The following CHD8 variants were observed in gnomAD, a reference collection of about 807,000 sequenced individuals.
CHD8 encodes the protein ATP-dependent chromatin remodeler CHD8.
A neutral mutation model predicts 279.2 loss-of-function variants in CHD8; 31 were observed. The observed-to-expected ratio is 0.11, with a 90% CI of 0.08 to 0.15. The LOEUF (loss-of-function observed/expected upper bound fraction) is 0.15. CHD8 is among the 10% of genes least tolerant of loss of function. CHD8 has a pLI of 1.00. For synonymous variants in CHD8, 1,081 were observed against 1,139.6 expected, an observed-to-expected ratio of 0.95 and a Z score of 1.04; for missense variants, 2,146 against 3,230.5, an observed-to-expected ratio of 0.66 and a Z score of 8.14.
intron 37 of CHD8, among the ~76,000 whole-genome samples, chr14:21,388,079 G>A (rs1474894758): frequency 6.6e-6 from 1 of 151,982 alleles, no homozygotes; most frequent in Non-Finnish European, 1.5e-5. Flanking sequence ...AGGCTAACAG[G>A]GAAAACTGAA....
intron 5 of CHD8, 110 bp downstream of exon 5, chr14:21,426,007 CGCCCAGTTTAG>C: frequency 1.6e-6 from 1 of 639,370 alleles, no homozygotes; most frequent in Non-Finnish European, 2.8e-6. Context: ...TTTAGGCCTA[CGCCCAGTTTAG>C]AAAAGCCAAA....
chr14:21,452,117 T>C (rs1030576398), intron 1 of CHD8, among the ~76,000 whole-genome samples: 1 of 152,126 alleles, frequency 6.6e-6, no homozygotes, highest in Non-Finnish European at 1.5e-5. Context: ...CTAGGCTCAC[T>C]GCCATCTCCG....
intron 1 of CHD8, among the ~76,000 whole-genome samples, chr14:21,453,794 CAT>C (rs572771088): frequency 6.8e-4 from 104 of 151,952 alleles, no homozygotes; most frequent in Non-Finnish European, 1.4e-3. Context: ...AGTCCTTTCA[CAT>C]ATGAGAATAT....
chr14:21,448,642 C>T (rs1238368912), intron 1 of CHD8, among the ~76,000 whole-genome samples: 2 of 151,944 alleles, frequency 1.3e-5, no homozygotes, highest in African/African-American at 2.4e-5. Context: ...CTGAAAGCTC[C>T]GCCTCCCAGA....
At chr14:21,435,164 T>C (rs1889729054) in intron 1 of CHD8, among the ~76,000 whole-genome samples, 1 of 152,190 alleles carries the variant, frequency 6.6e-6, no homozygotes, top group African/African-American at 2.4e-5. Flanking sequence ...CTTTCCATAA[T>C]TACAAACTAA....
chr14:21,415,062 C>T (rs545187164), intron 7 of CHD8, 69 bp from the exon 8 acceptor site: 3 of 997,468 alleles, frequency 3.0e-6, no homozygotes, highest in South Asian at 2.8e-5. Context: ...TAATTTTAAC[C>T]ACACATTGCA....
At chr14:21,440,736 G>C (rs1000044155) in intron 1 of CHD8, among the ~76,000 whole-genome samples, 1 of 152,192 alleles carries the variant, frequency 6.6e-6, no homozygotes, top group East Asian at 1.9e-4. Flanking sequence ...GAAGGGACAG[G>C]TAAGGGCCAG....
At chr14:21,417,728 C>T (rs966600950) in intron 5 of CHD8, among the ~76,000 whole-genome samples, 10 of 151,468 alleles carry the variant, frequency 6.6e-5, no homozygotes, top group African/African-American at 2.4e-4. Context: ...GTGGCGGGCG[C>T]CTGTAGTCCC....
intron 1 of CHD8, among the ~76,000 whole-genome samples, chr14:21,451,004 T>G (rs909335879): frequency 6.6e-6 from 1 of 152,108 alleles, no homozygotes; most frequent in African/African-American, 2.4e-5. Context: ...ACAAATAAAA[T>G]GAAGTCATAT....
Position 21,393,741 on chromosome 14 carries a change from A to C in CHD8, c.6054T>G (p.Ser2018Arg). ...SPEETATQVP[S>R]LESLTLKLEH... ...CTAGCTTTAAAGTCAGACTCTCCAGACTGGGGACCTGGGTAGCTGTCTCCT... is the reference window on the plus strand; with the variant it reads ...CTAGCTTTAAAGTCAGACTCTCCAGCCTGGGGACCTGGGTAGCTGTCTCCT... Residue 2018 changes from serine to arginine, a missense_variant, in exon 32 of 38, where the codon AGT (serine) becomes AGG (arginine). By Grantham distance (110) the Ser-to-Arg change is moderately radical. This residue lies in a region of CHD8 where 513 missense variants were observed against 637.6 expected (regional missense o/e 0.80). Coordinates refer to ENST00000646647, the MANE Select transcript of CHD8 (RefSeq NM_001170629.2). 2 of 1,613,820 alleles carry C rather than the reference A, an allele frequency of 1.2e-6. No homozygotes were observed. The highest frequency in any genetic ancestry group is 1.7e-6 in the Non-Finnish European group (2 of 1,179,844).
At chr14:21,441,659 C>T (rs2149748) in intron 1 of CHD8, among the ~76,000 whole-genome samples, 107,657 of 151,856 alleles carry the variant, frequency 0.71, 39,611 homozygotes, top group South Asian at 0.88. Flanking sequence ...GAGGCCAAGG[C>T]GGGCATATCA....
In CHD8 at chr14:21,394,129, C is replaced by A. The variant is rs777867742; in HGVS notation, c.5666G>T (p.Arg1889Leu). The A allele has an allele frequency of 6.2e-6, 10 of 1,612,152 alleles. No homozygotes were observed. Among genetic ancestry groups the A allele is most frequent in the Admixed American group, 5.0e-5 (3 of 59,898 alleles). The change falls in exon 32 of 38, where the codon CGT becomes CTT. Residue 1889 changes from arginine (R) to leucine (L), a missense_variant. This residue lies in a region of CHD8 where 513 missense variants were observed against 637.6 expected (regional missense o/e 0.80). Coordinates refer to ENST00000646647, the MANE Select transcript of CHD8 (RefSeq NM_001170629.2). ...CCGTAAGCGCCGAAGCAATTCTATA[C>A]GGTAGAGAGTCCGTGAGGCTCTCTC... ...TEERASRTLYRIELLRRLREQ... is the reference protein window; with the variant it reads ...TEERASRTLYLIELLRRLREQ...
chr14:21,422,812 C>T (rs1287368992), intron 5 of CHD8, among the ~76,000 whole-genome samples: 1 of 151,906 alleles, frequency 6.6e-6, no homozygotes, highest in East Asian at 1.9e-4. Context: ...ACCTATAATC[C>T]CAGCTACTCA....
rs370955484 is a variant in CHD8, at chr14:21,385,724, T to A, written c.7635A>T (p.Glu2545Asp). The A allele has an allele frequency of 2.6e-5, 41 of 1,551,658 alleles. No homozygotes were observed. Among genetic ancestry groups the A allele is most frequent in the East Asian group, 2.4e-4 (10 of 40,926 alleles). ...QPEEDDDEDEEDDDDLSQGYD... is the reference protein window; with the variant it reads ...QPEEDDDEDEDDDDDLSQGYD... ...AGCCCTGAGATAAGTCATCATCATC[T>A]TCTTCATCCTCATCGTCATCCTCCT... is the stretch of plus-strand genomic sequence containing the variant. The change falls in exon 38 of 38, where the codon GAA becomes GAT. Residue 2545 changes from glutamate to aspartate, a missense_variant. Physicochemically the swap from Glu to Asp is conservative, Grantham distance 45. Transcript: ENST00000646647.
rs2139470441 is a variant in CHD8, at chr14:21,403,726, TTAAC to T, written c.3308-67_3308-64del. ...GAACCATATTAAGGTTGTAGTCTATTTAACTAAGAAAGCAAAAGGAAAAAAATGT... is the reference window on the plus strand; with the variant it reads ...GAACCATATTAAGGTTGTAGTCTATTTAAGAAAGCAAAAGGAAAAAAATGT... On this transcript the variant is annotated intron_variant, in intron 16 of 37. Coordinates refer to ENST00000646647, the MANE Select transcript of CHD8 (RefSeq NM_001170629.2). The surrounding 1 kb of genome is among the most constrained non-coding windows in gnomAD (Gnocchi z 4.3). 7.4e-7 allele frequency: 1 copy of T among 1,343,782 alleles called. No individual in the cohort carries two copies. Among genetic ancestry groups the T allele is most frequent in the Non-Finnish European group, 1.0e-6 (1 of 965,812 alleles). The allele number at this position is 1,343,782 out of a possible 1,614,324, so 83.2% of individuals were successfully genotyped here. A position where few individuals can be genotyped will look rare whatever the true frequency, so the allele number is the denominator to read the frequency against.
At position 21,409,956 on chromosome 14, in the gene CHD8, A is replaced by G. The variant is rs1888415388; in HGVS notation, c.2259T>C (p.Ser753=). ...CCCATGTGCTATCCTCATAGGGCAGAGAGCACCATTTCACCAGGTAGTAAA... is the reference window on the plus strand; with the variant it reads ...CCCATGTGCTATCCTCATAGGGCAGGGAGCACCATTTCACCAGGTAGTAAA... ...PVIYYLVKWC[S]LPYEDSTWEL... is the part of the protein sequence containing the mutation. Residue 753 remains serine (S), a synonymous_variant, in exon 11 of 38, where the codon TCT becomes TCC. Transcript: ENST00000646647. 2 of 1,613,504 alleles carry G rather than the reference A, an allele frequency of 1.2e-6. No individual in the cohort carries two copies. The highest frequency in any genetic ancestry group is 2.7e-5 in the African/African-American group (2 of 74,916).
At chr14:21,391,441 G>C in intron 36 of CHD8, 22 bp downstream of exon 36, 1 of 1,608,462 alleles carries the variant, frequency 6.2e-7, no homozygotes, top group Non-Finnish European at 8.5e-7. Context: ...TTTAAATCTT[G>C]CTGGATGGGA....
intron 1 of CHD8, chr14:21,437,337 A>T: frequency 1.6e-5 from 16 of 1,000,956 alleles, no homozygotes; most frequent in Non-Finnish European, 2.0e-5. Context: ...CCAAAGGCGA[A>T]AAGACGCAAA....
At chr14:21,424,406 T>C (rs1659157127) in intron 5 of CHD8, among the ~76,000 whole-genome samples, 1 of 152,246 alleles carries the variant, frequency 6.6e-6, no homozygotes, top group African/African-American at 2.4e-5. Context: ...CATTATTTCA[T>C]AATATATTCT....
Sources: allele counts gnomAD v4.1 joint callset (sites outside exome capture counted in the v4.1 genomes callset), GRCh38; gene constraint gnomAD v4.1.1; regional missense constraint gnomAD v4.1.1; non-coding constraint Gnocchi (gnomAD v3.1); transcripts MANE v1.5; gene names NCBI Gene and HGNC (gene_info 2026-07-23, HGNC 2026-07-21).